SLC20A2: variants seen among roughly 807,000 people sequenced by gnomAD.
SLC20A2 encodes the protein solute carrier family 20 member 2, also known as sodium-dependent phosphate transporter 2.
A neutral mutation model predicts 61.0 loss-of-function variants in SLC20A2; 30 were observed. The ratio of observed to expected loss-of-function variants is 0.49; its 90% confidence interval spans 0.37 to 0.67. The LOEUF (loss-of-function observed/expected upper bound fraction) is 0.67. SLC20A2 is among the 30% of genes least tolerant of loss of function. SLC20A2 has a pLI of 0.00. For missense variants in SLC20A2, 626 were observed against 866.4 expected (o/e 0.72, Z 3.48); for synonymous variants, 351 against 353.3 (o/e 0.99, Z 0.07).
intron 2 of SLC20A2, among the ~76,000 whole-genome samples, chr8:42,468,348 T>G (rs1025765843): frequency 1.3e-5 from 2 of 150,320 alleles, no homozygotes; most frequent in Admixed American, 6.6e-5. Flanking sequence ...AGGAGGAGAG[T>G]TTGTAAAGAA....
intron 1 of SLC20A2, among the ~76,000 whole-genome samples, chr8:42,536,000 T>G (rs995276359): frequency 6.6e-6 from 1 of 152,214 alleles, no homozygotes; most frequent in African/African-American, 2.4e-5. Context: ...GAAAATAAAT[T>G]AATCAGTGTA....
chr8:42,424,325 G>A (rs913274545), intron 10 of SLC20A2, among the ~76,000 whole-genome samples: 1 of 151,600 alleles, frequency 6.6e-6, no homozygotes, highest in Non-Finnish European at 1.5e-5. Context: ...TTTTTTGGGG[G>A]GTGCGGGGGG....
chr8:42,431,885 A>G (rs1471456989), intron 8 of SLC20A2, among the ~76,000 whole-genome samples: 2 of 152,234 alleles, frequency 1.3e-5, no homozygotes, highest in East Asian at 3.8e-4. Flanking sequence ...CCTACTGCTC[A>G]GAAAAAAATA....
intron 1 of SLC20A2, among the ~76,000 whole-genome samples, chr8:42,533,702 C>T (rs1217082850): frequency 1.2e-5 from 1 of 82,422 alleles, no homozygotes; most frequent in African/African-American, 4.4e-5. Context: ...CTCTGTCGCC[C>T]AGGCTGGAGT....
At chr8:42,505,512 G>A (rs186069210), upstream of SLC20A2, among the ~76,000 whole-genome samples, 12 of 152,284 alleles carry the variant, frequency 7.9e-5, no homozygotes, top group African/African-American at 2.6e-4. Context: ...CTGCATTTTA[G>A]TTTGGAACCT....
intron 3 of SLC20A2, among the ~76,000 whole-genome samples, chr8:42,464,090 A>ATTTTTTTTTTTTTTTT (rs1563488008): frequency 3.0e-4 from 6 of 19,986 alleles, no homozygotes; most frequent in Non-Finnish European, 7.8e-4. Context: ...AGGCTGGATG[A>ATTTTTTTTTTTTTTTT]TCTTTTTTTT....
At chr8:42,497,342 T>C (rs1015488065) in intron 1 of SLC20A2, among the ~76,000 whole-genome samples, 2 of 152,196 alleles carry the variant, frequency 1.3e-5, no homozygotes, top group African/African-American at 4.8e-5. Context: ...ACCTCAAATG[T>C]CAACGTGCAC....
intron 1 of SLC20A2, among the ~76,000 whole-genome samples, chr8:42,486,749 C>T (rs1809043236): frequency 6.6e-6 from 1 of 152,202 alleles, no homozygotes; most frequent in Admixed American, 6.5e-5. Flanking sequence ...GTCTCTTAAA[C>T]TTCTTGACTG....
chr8:42,452,828 A>AG (rs1805853794), intron 5 of SLC20A2, among the ~76,000 whole-genome samples: 1 of 152,108 alleles, frequency 6.6e-6, no homozygotes, highest in Non-Finnish European at 1.5e-5. Flanking sequence ...TAAGTTGGGA[A>AG]TTCCTTTGCT....
chr8:42,486,834 T>C (rs1239710496), intron 1 of SLC20A2, among the ~76,000 whole-genome samples: 3 of 152,122 alleles, frequency 2.0e-5, no homozygotes, highest in Admixed American at 6.6e-5. Flanking sequence ...TTCATCAAAT[T>C]TGGGAAGTTA....
chr8:42,507,947 G>T (rs889041943), intron 1 of SLC20A2, among the ~76,000 whole-genome samples: 1 of 152,104 alleles, frequency 6.6e-6, no homozygotes, highest in African/African-American at 2.4e-5. Flanking sequence ...ATCACCTGAG[G>T]TCAGGAGTTC....
rs932119885 is a variant in SLC20A2, at chr8:42,472,467, T to A, written c.-77A>T. ...ACAAAGCTTGAGGTTATAAACTTCG[T>A]AAGGCCAAGAGTTCTTGTAAACAGT... On this transcript the variant is annotated 5_prime_UTR_variant, in exon 2 of 11. Transcript: ENST00000520262. The surrounding 1 kb of genome is among the most constrained non-coding windows in gnomAD (Gnocchi z 4.1). 6.7e-6 allele frequency: 9 copies of A among 1,348,530 alleles called. No homozygotes were observed. The African/African-American group carries it at 1.3e-4, about 20-fold the overall frequency. The allele number at this position is 1,348,530 out of a possible 1,614,324, so 83.5% of individuals were successfully genotyped here. A position where few individuals can be genotyped will look rare whatever the true frequency, so the allele number is the denominator to read the frequency against.
Position 42,428,776 on chromosome 8 carries a change from G to A in SLC20A2, c.1776C>T (p.Val592=). 6.2e-7 allele frequency: 1 copy of A among 1,611,762 alleles called. No homozygotes were observed. The highest frequency in any genetic ancestry group is 1.1e-5 in the South Asian group (1 of 90,638). The change falls in exon 10 of 11, where the codon GTC becomes GTT. Residue 592 remains valine (V), a synonymous_variant. Transcript: ENST00000520262. The part of the protein sequence containing the change: ...VVIASNIGLP[V]STTHCKVGSV... The stretch of plus-strand genomic sequence containing the variant: ...GGCCTACCTTACAGTGCGTGGTGCT[G>A]ACTGGAAGCCCGATGTTGGAGGCGA...
At chr8:42,530,003 T>C (rs1192894209) in intron 1 of SLC20A2, among the ~76,000 whole-genome samples, 3 of 152,204 alleles carry the variant, frequency 2.0e-5, no homozygotes, top group Non-Finnish European at 4.4e-5. Flanking sequence ...ATACCAACAT[T>C]TTAAAATTAC....
At chr8:42,533,524 G>A (rs757349889) in intron 1 of SLC20A2, among the ~76,000 whole-genome samples, 1 of 152,036 alleles carries the variant, frequency 6.6e-6, no homozygotes. Context: ...GCTGAAGCAC[G>A]AGAACTGCTT....
chr8:42,477,454 G>A (rs913994136), intron 1 of SLC20A2, among the ~76,000 whole-genome samples: 2 of 145,990 alleles, frequency 1.4e-5, no homozygotes, highest in Non-Finnish European at 3.0e-5. Flanking sequence ...CATGTTGTGA[G>A]GGACAGGGAC....
intron 5 of SLC20A2, among the ~76,000 whole-genome samples, chr8:42,457,413 G>T (rs1242625564): frequency 1.3e-5 from 2 of 151,786 alleles, no homozygotes; most frequent in Non-Finnish European, 2.9e-5. Flanking sequence ...ACCTAAAGCA[G>T]CTCTGGCACT....
intron 1 of SLC20A2, among the ~76,000 whole-genome samples, chr8:42,533,894 G>A (rs111283416): frequency 0.092 from 13,819 of 150,524 alleles, 1,831 homozygotes; most frequent in African/African-American, 0.3. Context: ...TCCTGACCTC[G>A]TGATCTGCCC....
rs1279627247 is a variant in SLC20A2 at position 42,431,447 on chromosome 8, G to A, written c.1524-1198C>T. On this transcript the variant is annotated intron_variant, in intron 8 of 10. Transcript: ENST00000520262. ...TGGAAGCTAGCAGAGGTTGGTTCTG[G>A]AGGTTTAAGGAAAGAAGCCATCCTC... Among the ~76,000 whole-genome samples the A allele has an allele frequency of 2.0e-5, 3 of 152,230 alleles. No homozygotes were observed. In the South Asian group the frequency reaches 6.2e-4, roughly 31 times the overall value.
Sources: gnomAD v4.1 joint callset for allele counts (sites outside exome capture counted in the v4.1 genomes callset) on GRCh38, gnomAD v4.1.1 for gene constraint, Gnocchi (gnomAD v3.1) non-coding constraint, MANE v1.5 for transcripts, NCBI Gene and HGNC (gene_info 2026-07-23, HGNC 2026-07-21) for gene names.